The following MFAP3L variants were observed in gnomAD, a reference collection of about 807,000 sequenced individuals.
MFAP3L encodes microfibril associated protein 3 like.
MFAP3L carries 5 observed loss-of-function variants against 20.0 expected under a neutral mutation model. The observed-to-expected ratio is 0.25, with a 90% confidence interval of 0.13 to 0.53. The LOEUF is 0.53. Among genes scored for constraint, MFAP3L ranks in the 20% least tolerant of loss-of-function variants. MFAP3L has a pLI of 0.96. For synonymous variants in MFAP3L, 219 were observed against 213.0 expected, an observed-to-expected ratio of 1.03 and a Z score of -0.25; for missense variants, 409 against 527.5, an observed-to-expected ratio of 0.78 and a Z score of 2.20.
rs1325980930 is a variant in MFAP3L, at chr4:169,989,594, G to A, written c.*1784C>T. On this transcript the variant is annotated 3_prime_UTR_variant, in exon 3 of 3. Transcript: ENST00000361618. ...TCGAGTACTACCTGCATATTTTACA[G>A]ATGAAAAAGATTAAATCCCAGAGAG... 6.6e-6 allele frequency: 1 copy of A among 152,176 alleles called. No homozygotes were observed. The highest frequency in any genetic ancestry group is 1.5e-5 in the Non-Finnish European group (1 of 68,030). 9.4% of individuals were successfully genotyped at this position (152,176 alleles called of 1,614,324 possible).
chr4:170,021,883 T>C (rs1740060022), intron 1 of MFAP3L, among the ~76,000 whole-genome samples: 2 of 152,162 alleles, frequency 1.3e-5, no homozygotes, highest in Non-Finnish European at 2.9e-5. Context: ...ATGGAGCCCA[T>C]CGCAAACATT....
At chr4:169,994,677 A>G in intron 2 of MFAP3L, 1 of 468,972 alleles carries the variant, frequency 2.1e-6, no homozygotes, top group Non-Finnish European at 2.8e-6. Flanking sequence ...CATTGTTAAA[A>G]GGGGCATAGC....
chr4:170,011,028 G>A (rs748658661), intron 1 of MFAP3L, among the ~76,000 whole-genome samples: 1 of 152,162 alleles, frequency 6.6e-6, no homozygotes, highest in Non-Finnish European at 1.5e-5. Flanking sequence ...TCTTGTGGTA[G>A]TAAGTCTCAC....
chr4:170,002,858 AAAAAC>A (rs1301876356), intron 2 of MFAP3L, among the ~76,000 whole-genome samples: 11 of 151,922 alleles, frequency 7.2e-5, no homozygotes, highest in Non-Finnish European at 1.5e-4. Flanking sequence ...AAAAAAAACA[AAAAAC>A]AAAACACAAA....
intron 1 of MFAP3L, among the ~76,000 whole-genome samples, chr4:170,011,293 A>G (rs1739368138): frequency 6.6e-6 from 1 of 152,204 alleles, no homozygotes; most frequent in Admixed American, 6.5e-5. Flanking sequence ...ATCTGTGGAA[A>G]AAAAATGTTC....
At chr4:169,996,354 C>A (rs942884848) in intron 2 of MFAP3L, among the ~76,000 whole-genome samples, 1 of 152,074 alleles carries the variant, frequency 6.6e-6, no homozygotes, top group South Asian at 2.1e-4. Flanking sequence ...TATCATTGAG[C>A]AAACTGTGTA....
chr4:170,007,443 T>A (rs1739116687), intron 1 of MFAP3L, among the ~76,000 whole-genome samples: 1 of 152,226 alleles, frequency 6.6e-6, no homozygotes, highest in African/African-American at 2.4e-5. Context: ...CAGGCCAGGA[T>A]TCTGGACATA....
At position 170,005,685 on chromosome 4, in the gene MFAP3L, A is replaced by G; in HGVS notation, c.193T>C (p.Leu65=). The change falls in exon 2 of 3, where the codon TTG becomes CTG. Residue 65 remains leucine (L), a synonymous_variant. Coordinates refer to ENST00000361618, the MANE Select transcript of MFAP3L (RefSeq NM_021647.8). The stretch of plus-strand genomic sequence containing the variant: ...ATGCCATAAACACTACAGTTAATCA[A>G]GGCACTGTTCCCTTCCTTGACTATG... ...HIIVKEGNSA[L]INCSVYGIPD... 6.2e-7 allele frequency: 1 copy of G among 1,614,254 alleles called. No homozygotes were observed.
rs1737330848 is a variant in MFAP3L at position 169,987,118 on chromosome 4, G to C, written c.*4260C>G. ...TAAAAGATAAATGCTCAGTCCTTTG[G>C]AAAATATAATAAGCAATTGTTTTAT... On this transcript the variant is annotated 3_prime_UTR_variant, in exon 3 of 3. Coordinates refer to ENST00000361618, the MANE Select transcript of MFAP3L (RefSeq NM_021647.8). The C allele has an allele frequency of 6.6e-6, 1 of 152,018 alleles. No homozygotes were observed. The highest frequency in any genetic ancestry group is 1.5e-5 in the Non-Finnish European group (1 of 67,988). The allele number at this position is 152,018 out of a possible 1,614,324, so 9.4% of individuals were successfully genotyped here. A position where few individuals can be genotyped will look rare whatever the true frequency, so the allele number is the denominator to read the frequency against.
intron 2 of MFAP3L, among the ~76,000 whole-genome samples, chr4:169,995,698 T>A (rs1025069354): frequency 1.3e-5 from 2 of 152,182 alleles, no homozygotes; most frequent in East Asian, 1.9e-4. Flanking sequence ...ACGGTGACTA[T>A]CACAGATCTT....
intron 1 of MFAP3L, among the ~76,000 whole-genome samples, chr4:170,025,930 C>T (rs1368199486): frequency 1.3e-5 from 2 of 152,200 alleles, no homozygotes; most frequent in Admixed American, 6.5e-5. Context: ...ACCTAGGAGG[C>T]TCGCCGGCAG....
At position 170,026,245 on chromosome 4, in the gene MFAP3L, G is replaced by A. The variant is rs1044132815; in HGVS notation, c.-145C>T. On this transcript the variant is annotated 5_prime_UTR_variant, in exon 1 of 3. Coordinates refer to ENST00000361618, the MANE Select transcript of MFAP3L (RefSeq NM_021647.8). Reference sequence around the variant, plus strand: ...GGGCCCCCGCTAACCTGACACCGCCGCGCCACTCAGGTGGCCGCCGTGCAC... The same window carrying A: ...GGGCCCCCGCTAACCTGACACCGCCACGCCACTCAGGTGGCCGCCGTGCAC... 281 of 984,552 alleles carry A rather than the reference G, an allele frequency of 2.9e-4. No homozygotes were observed. Among genetic ancestry groups the A allele is most frequent in the Non-Finnish European group, 3.3e-4 (273 of 829,700 alleles). The allele number at this position is 984,552 out of a possible 1,614,324, so 61.0% of individuals were successfully genotyped here. A position where few individuals can be genotyped will look rare whatever the true frequency, so the allele number is the denominator to read the frequency against.
chr4:170,026,170 C>G (rs1265239003), intron 1 of MFAP3L, 64 bp downstream of exon 1: 1 of 941,482 alleles, frequency 1.1e-6, no homozygotes, highest in Non-Finnish European at 1.3e-6. Context: ...CGGCCGCCGA[C>G]CCGGTGCGGG....
intron 2 of MFAP3L, chr4:169,997,651 G>T: frequency 2.2e-6 from 2 of 921,730 alleles, no homozygotes; most frequent in Non-Finnish European, 2.6e-6. Context: ...AAGGGGAGTC[G>T]CTAGTGACAT....
intron 1 of MFAP3L, among the ~76,000 whole-genome samples, chr4:170,012,297 T>C (rs967546248): frequency 2.6e-5 from 4 of 152,170 alleles, no homozygotes; most frequent in Non-Finnish European, 4.4e-5. Context: ...TGATAGCAGG[T>C]TGAAGTAGTA....
At chr4:170,004,497 C>T (rs1034424739) in intron 2 of MFAP3L, among the ~76,000 whole-genome samples, 2 of 152,190 alleles carry the variant, frequency 1.3e-5, no homozygotes, top group African/African-American at 4.8e-5. Flanking sequence ...CTACAGCAAA[C>T]CCCACATCCT....
chr4:170,011,198 T>G (rs536956112), intron 1 of MFAP3L, among the ~76,000 whole-genome samples: 2 of 152,334 alleles, frequency 1.3e-5, no homozygotes, highest in Non-Finnish European at 2.9e-5. Context: ...CTTTGCTTTA[T>G]AAATTACCCA....
chr4:170,003,306 T>C (rs1738803123), intron 2 of MFAP3L, among the ~76,000 whole-genome samples: 2 of 152,216 alleles, frequency 1.3e-5, no homozygotes, highest in African/African-American at 4.8e-5. Flanking sequence ...GCAAAGGCTT[T>C]TGACTGGCGG....
chr4:169,987,484 C>T lies in MFAP3L; in HGVS notation c.*3894G>A, dbSNP rs1424518056. 1.3e-5 allele frequency: 2 copies of T among 152,122 alleles called. No individual in the cohort carries two copies. The highest frequency in any genetic ancestry group is 4.8e-5 in the African/African-American group (2 of 41,440). The allele number at this position is 152,122 out of a possible 1,614,324, so 9.4% of individuals were successfully genotyped here. ...TGTTCTGTTTTGGTACCAAATGAAA[C>T]ACTGAAAGGAAATCCCCAGTTAAAA... On this transcript the variant is annotated 3_prime_UTR_variant, in exon 3 of 3. Coordinates refer to ENST00000361618, the MANE Select transcript of MFAP3L (RefSeq NM_021647.8).
Sources: gnomAD v4.1 joint callset for allele counts (sites outside exome capture counted in the v4.1 genomes callset) on GRCh38, gnomAD v4.1.1 for gene constraint, MANE v1.5 for transcripts, NCBI Gene and HGNC (gene_info 2026-07-23, HGNC 2026-07-21) for gene names.